Variants in ENTREP2 observed in about 807,000 individuals in gnomAD.
ENTREP2 encodes the protein endosomal transmembrane epsin interactor 2, also known as protein ENTREP2.
the ENTREP2 span, among the ~76,000 whole-genome samples, chr15:29,412,801 A>G: frequency 3.3e-5 from 5 of 151,976 alleles, no homozygotes; most frequent in Admixed American, 3.3e-4. Context: ...GCAGCCTTAT[A>G]TTCTATTTCG....
the ENTREP2 span, among the ~76,000 whole-genome samples, chr15:29,344,279 C>T: frequency 6.6e-6 from 1 of 152,204 alleles, no homozygotes; most frequent in African/African-American, 2.4e-5. Flanking sequence ...TAAACCAACA[C>T]TTTTTAAGCC....
chr15:29,167,250 T>C, the ENTREP2 span, among the ~76,000 whole-genome samples: 5 of 152,316 alleles, frequency 3.3e-5, no homozygotes, highest in African/African-American at 4.8e-5. Context: ...CTTCTAGGCA[T>C]TGGCTTAGGC....
chr15:29,388,949 C>T, the ENTREP2 span, among the ~76,000 whole-genome samples: 6 of 124,498 alleles, frequency 4.8e-5, no homozygotes, highest in Non-Finnish European at 9.4e-5. Flanking sequence ...GAACATCACA[C>T]ACCGGGGCCT....
At chr15:29,244,924 T>C in the ENTREP2 span, among the ~76,000 whole-genome samples, 18 of 152,196 alleles carry the variant, frequency 1.2e-4, no homozygotes, top group Non-Finnish European at 2.4e-4. Context: ...AAGAGGTGGA[T>C]GATGAAATAC....
At chr15:29,328,406 C>G in the ENTREP2 span, among the ~76,000 whole-genome samples, 1 of 152,202 alleles carries the variant, frequency 6.6e-6, no homozygotes, top group Non-Finnish European at 1.5e-5. Context: ...AAGAGCTAAT[C>G]TGCAGATATG....
chr15:29,365,616 C>T, the ENTREP2 span, among the ~76,000 whole-genome samples: 6 of 151,890 alleles, frequency 4.0e-5, 1 homozygote, highest in East Asian at 1.9e-4. Flanking sequence ...AACAAGGTTG[C>T]GCTTTTTTTA....
the ENTREP2 span, among the ~76,000 whole-genome samples, chr15:29,543,673 G>A: frequency 0.43 from 65,777 of 151,440 alleles, 15,064 homozygotes; most frequent in African/African-American, 0.59. Flanking sequence ...TAGCTATTCA[G>A]GAGGCTGAGG....
At chr15:29,343,196 A>G in the ENTREP2 span, among the ~76,000 whole-genome samples, 1 of 152,156 alleles carries the variant, frequency 6.6e-6, no homozygotes, top group Non-Finnish European at 1.5e-5. Flanking sequence ...GTTATTTTAT[A>G]TGTCAGCTTG....
chr15:29,191,504 G>GA, the ENTREP2 span, among the ~76,000 whole-genome samples: 9 of 151,764 alleles, frequency 5.9e-5, no homozygotes, highest in African/African-American at 2.2e-4. Flanking sequence ...AGGGCTCATG[G>GA]AAAAAAAAGA....
the ENTREP2 span, among the ~76,000 whole-genome samples, chr15:29,450,869 C>T: frequency 6.6e-6 from 1 of 152,076 alleles, no homozygotes; most frequent in Non-Finnish European, 1.5e-5. Context: ...CCAAATACTG[C>T]ATGTTCTCAC....
the ENTREP2 span, among the ~76,000 whole-genome samples, chr15:29,582,281 T>G: frequency 8.5e-5 from 13 of 152,132 alleles, no homozygotes; most frequent in African/African-American, 7.2e-5. Flanking sequence ...CAACTTCTAT[T>G]TAAACCTCAC....
chr15:29,338,273 G>C, the ENTREP2 span, among the ~76,000 whole-genome samples: 1 of 151,710 alleles, frequency 6.6e-6, no homozygotes, highest in Non-Finnish European at 1.5e-5. Context: ...TGATGAGGTA[G>C]GACAAGGGTT....
chr15:29,507,303 T>C, the ENTREP2 span, among the ~76,000 whole-genome samples: 4 of 152,166 alleles, frequency 2.6e-5, no homozygotes, highest in South Asian at 6.2e-4. Flanking sequence ...CATGCAGTAA[T>C]AGTGGGAGAA....
chr15:29,269,517 G>C, the ENTREP2 span: 2 of 1,585,186 alleles, frequency 1.3e-6, no homozygotes, highest in Non-Finnish European at 1.7e-6. Flanking sequence ...CCTGAGGCGA[G>C]GGGCCCTGCG....
chr15:29,142,557 G>A, the ENTREP2 span, among the ~76,000 whole-genome samples: 3 of 152,200 alleles, frequency 2.0e-5, no homozygotes, highest in Non-Finnish European at 4.4e-5. Context: ...ACTTGGTGAT[G>A]CTGTGGCTCC....
At chr15:29,465,986 C>A in the ENTREP2 span, among the ~76,000 whole-genome samples, 4 of 152,180 alleles carry the variant, frequency 2.6e-5, no homozygotes, top group Non-Finnish European at 5.9e-5. Flanking sequence ...TACTGATGAA[C>A]TGCCAGGTTC....
chr15:29,328,821 T>G, the ENTREP2 span, among the ~76,000 whole-genome samples: 3 of 152,298 alleles, frequency 2.0e-5, no homozygotes, highest in Middle Eastern at 3.4e-3. Context: ...TTTAGCTTAA[T>G]AGACTATTGA....
At chr15:29,530,655 G>A in the ENTREP2 span, among the ~76,000 whole-genome samples, 1 of 152,308 alleles carries the variant, frequency 6.6e-6, no homozygotes, top group Middle Eastern at 3.4e-3. Context: ...GATGGGTGGA[G>A]GTGCAAGCAC....
At chr15:29,322,531 G>C in the ENTREP2 span, among the ~76,000 whole-genome samples, 4 of 152,166 alleles carry the variant, frequency 2.6e-5, no homozygotes, top group Admixed American at 1.3e-4. Context: ...ATGGCAAAGG[G>C]AAAAATTAAG....
Sources: allele counts gnomAD v4.1 joint callset (sites outside exome capture counted in the v4.1 genomes callset), GRCh38; gene constraint gnomAD v4.1.1; transcripts MANE v1.5; gene names NCBI Gene and HGNC (gene_info 2026-07-23, HGNC 2026-07-21).